AP1B1: variants seen among roughly 807,000 people sequenced by gnomAD.
The protein encoded by AP1B1 is AP-1 complex subunit beta-1.
A neutral mutation model predicts 104.3 loss-of-function variants in AP1B1; 36 were observed. The observed-to-expected ratio is 0.35, with a 90% CI of 0.26 to 0.46. The LOEUF is 0.46. Ranked by LOEUF, AP1B1 falls within the 20% of genes least tolerant of loss-of-function variation. AP1B1 has a pLI of 1.00. For missense variants in AP1B1, 901 were observed against 1,247.9 expected (o/e 0.72, Z 4.19); for synonymous variants, 504 against 517.5 (o/e 0.97, Z 0.35).
At chr22:29,363,630 G>T (rs535172017) in intron 2 of AP1B1, among the ~76,000 whole-genome samples, 1 of 151,792 alleles carries the variant, frequency 6.6e-6, no homozygotes, top group African/African-American at 2.4e-5. Flanking sequence ...CCTGGCGACA[G>T]GGCCAAGACT....
intron 1 of AP1B1, among the ~76,000 whole-genome samples, chr22:29,372,785 A>G (rs980407363): frequency 1.3e-5 from 2 of 152,228 alleles, no homozygotes; most frequent in Non-Finnish European, 2.9e-5. Context: ...CTGTGTTTTA[A>G]GCTAATAAAA....
chr22:29,384,899 G>C (rs763168042), intron 1 of AP1B1, among the ~76,000 whole-genome samples: 22 of 152,144 alleles, frequency 1.4e-4, no homozygotes, highest in African/African-American at 4.3e-4. Context: ...ACTTAGAAGA[G>C]AGCCAAATAA....
chr22:29,331,730 T>A, intron 18 of AP1B1, 57 bp downstream of exon 18: 13 of 1,613,960 alleles, frequency 8.1e-6, no homozygotes, highest in Non-Finnish European at 1.0e-5. Flanking sequence ...CTGACCCCAG[T>A]GGGGCCCGGC....
intron 2 of AP1B1, among the ~76,000 whole-genome samples, chr22:29,365,908 C>T (rs1315988080): frequency 6.6e-6 from 1 of 152,074 alleles, no homozygotes; most frequent in Non-Finnish European, 1.5e-5. Context: ...GACTGTCTTC[C>T]CTGCTCAACC....
chr22:29,330,800 C>T (rs890133861), intron 19 of AP1B1, 91 bp from the exon 20 acceptor site: 6 of 1,107,890 alleles, frequency 5.4e-6, no homozygotes, highest in South Asian at 4.2e-5. Flanking sequence ...CTGGCCTTTA[C>T]TGTGCCACGT....
In AP1B1 at chr22:29,358,679, C is replaced by A. The variant is rs771554607; in HGVS notation, c.525+47G>T. ...AGAGTCAAGCCAATGTCTTCCCAAG[C>A]AACCCAGGAGGTGGTGGAGGTAGCA... On this transcript the variant is annotated intron_variant, in intron 5 of 22. Coordinates refer to ENST00000357586, the MANE Select transcript of AP1B1 (RefSeq NM_001127.4). The A allele has an allele frequency of 7.0e-6, 11 of 1,578,790 alleles. No individual in the cohort carries two copies. In the South Asian group the frequency reaches 9.3e-5, roughly 13 times the overall value.
chr22:29,374,709 G>A (rs939209086), intron 1 of AP1B1, among the ~76,000 whole-genome samples: 11 of 152,142 alleles, frequency 7.2e-5, no homozygotes, highest in Non-Finnish European at 1.0e-4. Context: ...GAAGCAAATC[G>A]GTAACAGCCA....
At position 29,341,766 on chromosome 22, in the gene AP1B1, G is replaced by A. The variant is rs776170275; in HGVS notation, c.1537-6C>T. ...AGGTCTGGGTTATCTGAGTCCTTGT[G>A]GGGGTGAGGAGAAGCCCATGAAACT... On this transcript the variant is annotated splice_polypyrimidine_tract_variant and splice_region_variant and intron_variant, in intron 12 of 22. Coordinates refer to ENST00000357586, the MANE Select transcript of AP1B1 (RefSeq NM_001127.4). 2.5e-6 allele frequency: 4 copies of A among 1,600,814 alleles called. No homozygotes were observed. The African/African-American group carries it at 4.0e-5, about 16-fold the overall frequency.
intron 5 of AP1B1, 143 bp downstream of exon 5, chr22:29,358,582 AC>A: frequency 8.6e-7 from 1 of 1,163,606 alleles, no homozygotes; most frequent in Non-Finnish European, 1.2e-6. Flanking sequence ...TGCCTGAACC[AC>A]CAAAAGGCAC....
chr22:29,353,108 C>A (rs534116112), intron 7 of AP1B1, among the ~76,000 whole-genome samples: 1 of 152,126 alleles, frequency 6.6e-6, no homozygotes, highest in Non-Finnish European at 1.5e-5. Context: ...TCAGTAAAGA[C>A]GAGAGTGGGG....
intron 1 of AP1B1, among the ~76,000 whole-genome samples, chr22:29,387,856 G>C (rs1602847987): frequency 1.3e-5 from 2 of 152,286 alleles, no homozygotes; most frequent in South Asian, 4.1e-4. Context: ...ACAGTGCCCG[G>C]TACACAGAAG....
chr22:29,385,086 G>T (rs1017190314), intron 1 of AP1B1, among the ~76,000 whole-genome samples: 2 of 151,052 alleles, frequency 1.3e-5, no homozygotes, highest in African/African-American at 4.9e-5. Flanking sequence ...AAGACAGAGA[G>T]GTATAAAGAG....
intron 1 of AP1B1, among the ~76,000 whole-genome samples, chr22:29,386,819 G>A (rs2062530628): frequency 6.6e-6 from 1 of 152,152 alleles, no homozygotes; most frequent in South Asian, 2.1e-4. Context: ...TGAAGCAAGT[G>A]AATATCCGCA....
intron 1 of AP1B1, among the ~76,000 whole-genome samples, chr22:29,382,846 G>C (rs112379281): frequency 6.6e-6 from 1 of 152,172 alleles, no homozygotes; most frequent in African/African-American, 2.4e-5. Flanking sequence ...GAATGCAGGG[G>C]GCCTTATGAT....
chr22:29,360,051 G>C, intron 3 of AP1B1, 92 bp from the exon 4 acceptor site: 4 of 1,417,658 alleles, frequency 2.8e-6, no homozygotes, highest in South Asian at 1.4e-5. Flanking sequence ...GAGGACAGTG[G>C]GTAGGAGAGA....
At chr22:29,347,692 C>T (rs574206276) in intron 11 of AP1B1, among the ~76,000 whole-genome samples, 2 of 152,290 alleles carry the variant, frequency 1.3e-5, no homozygotes, top group African/African-American at 4.8e-5. Flanking sequence ...CAGTGAGGTA[C>T]CCCTGTTAGC....
At position 29,354,681 on chromosome 22, in the gene AP1B1, G is replaced by A; in HGVS notation, c.907C>T (p.Leu303=). The change falls in exon 7 of 23, where the codon CTG becomes TTG. Residue 303 remains leucine, a synonymous_variant. Coordinates refer to ENST00000357586, the MANE Select transcript of AP1B1 (RefSeq NM_001127.4). ...TGCACGATGAGATTGATGTTGCGCA[G>A]GGCCACATACTGCAGCTCTGGCTCG... ...SAEPELQYVA[L]RNINLIVQKR... is the part of the protein sequence containing the mutation. The A allele has an allele frequency of 6.2e-7, 1 of 1,614,112 alleles. No individual in the cohort carries two copies. Among genetic ancestry groups the A allele is most frequent in the Non-Finnish European group, 8.5e-7 (1 of 1,180,038 alleles).
In AP1B1 at chr22:29,350,068, A is replaced by C; in HGVS notation, c.1238T>G (p.Val413Gly). 1 of 1,614,110 alleles carries C rather than the reference A, an allele frequency of 6.2e-7. No homozygotes were observed. The highest frequency in any genetic ancestry group is 8.5e-7 in the Non-Finnish European group (1 of 1,180,006). ...GTACTTGCGGAAGATGTCCTTGATGACCACGATGGCCTCCTGGACCACATA... is the reference window on the plus strand; with the variant it reads ...GTACTTGCGGAAGATGTCCTTGATGCCCACGATGGCCTCCTGGACCACATA... ...VNYVVQEAIV[V>G]IKDIFRKYPN... Residue 413 changes from valine (V) to glycine (G), a missense_variant, in exon 10 of 23, where the codon GTC becomes GGC. By Grantham distance (109) the Val-to-Gly change is moderately radical. Transcript: ENST00000357586.
At chr22:29,338,897 C>A (rs2061673913) in intron 16 of AP1B1, 93 bp downstream of exon 16, 2 of 1,544,844 alleles carry the variant, frequency 1.3e-6, no homozygotes, top group Non-Finnish European at 1.8e-6. Flanking sequence ...CTGGCCTGAG[C>A]CAATTCCACA....
Sources: allele counts gnomAD v4.1 joint callset (sites outside exome capture counted in the v4.1 genomes callset), GRCh38; gene constraint gnomAD v4.1.1; transcripts MANE v1.5; gene names NCBI Gene and HGNC (gene_info 2026-07-23, HGNC 2026-07-21).